The following DYNC2I1 variants were observed in gnomAD, a reference collection of about 807,000 sequenced individuals.
DYNC2I1 encodes dynein 2 intermediate chain 1.
In DYNC2I1, 89 loss-of-function variants were observed where a neutral mutation model predicts 133.4. The observed-to-expected ratio is 0.67, with a 90% CI of 0.56 to 0.80. The LOEUF is 0.80. Among genes scored for constraint, DYNC2I1 ranks in the 30% least tolerant of loss-of-function variants. The probability of loss-of-function intolerance (pLI) is 0.00; values close to 1 mark genes in which losing one functional copy is unlikely to be tolerated. For missense variants in DYNC2I1, 1,291 were observed against 1,314.5 expected (o/e 0.98, Z 0.28); for synonymous variants, 504 against 484.3 (o/e 1.04, Z -0.54).
chr7:158,904,479 A>G (rs1308872897), intron 10 of DYNC2I1: 2 of 152,240 alleles, frequency 1.3e-5, no homozygotes, highest in Non-Finnish European at 2.9e-5. Context: ...GCCTTTGTAC[A>G]CTTCCAAAAG....
chr7:158,948,995 GA>G (rs1255758988), downstream of DYNC2I1, among the ~76,000 whole-genome samples: 1 of 152,154 alleles, frequency 6.6e-6, no homozygotes, highest in East Asian at 1.9e-4. Context: ...GACTCCTAAT[GA>G]ACAGATGGCT....
At chr7:158,889,558 G>T (rs1844981574) in intron 7 of DYNC2I1, among the ~76,000 whole-genome samples, 1 of 151,914 alleles carries the variant, frequency 6.6e-6, no homozygotes, top group South Asian at 2.1e-4. Flanking sequence ...TAAGCTCCAG[G>T]TTGGCATTGT....
At chr7:158,916,233 A>T (rs1400901369) in intron 14 of DYNC2I1, among the ~76,000 whole-genome samples, 153 of 81,034 alleles carry the variant, frequency 1.9e-3, no homozygotes, top group Non-Finnish European at 3.2e-3. Context: ...GGTTGACATT[A>T]AGGATGATTG....
At chr7:158,879,034 A>G (rs977769490) in intron 4 of DYNC2I1, among the ~76,000 whole-genome samples, 2 of 143,078 alleles carry the variant, frequency 1.4e-5, no homozygotes, top group Non-Finnish European at 3.1e-5. Flanking sequence ...CCATGTGGAG[A>G]GGCCAGGAGG....
intron 1 of DYNC2I1, among the ~76,000 whole-genome samples, chr7:158,860,793 C>A (rs1841805182): frequency 6.6e-6 from 1 of 151,946 alleles, no homozygotes; most frequent in Non-Finnish European, 1.5e-5. Flanking sequence ...AAATTTCTAC[C>A]CTTTTTATTT....
At chr7:158,841,176 TA>T in the DYNC2I1 span, among the ~76,000 whole-genome samples, 2 of 7,526 alleles carry the variant, frequency 2.7e-4, no homozygotes, top group Admixed American at 2.2e-3. Flanking sequence ...TATATATATA[TA>T]TATATATATA....
At chr7:158,857,540 GTT>G (rs1278230154) in intron 1 of DYNC2I1, among the ~76,000 whole-genome samples, 2 of 100,898 alleles carry the variant, frequency 2.0e-5, no homozygotes, top group Non-Finnish European at 2.0e-5. Flanking sequence ...TTAGGTTTTT[GTT>G]TTTTTTTTTT....
rs200300108 is a variant in DYNC2I1 at position 158,926,401 on chromosome 7, G to A, written c.2372-1G>A. ...TTTCTTTTTGTTTCTGTCTTCATCA[G>A]AAATGTCAGGTTTGTCCTTCCACAT... On this transcript the variant is annotated splice_acceptor_variant, in intron 18 of 24. Coordinates refer to ENST00000407559, the MANE Select transcript of DYNC2I1 (RefSeq NM_018051.5). LOFTEE classifies it high-confidence loss of function. 1.9e-6 allele frequency: 3 copies of A among 1,612,494 alleles called. No individual in the cohort carries two copies. The highest frequency in any genetic ancestry group is 2.5e-6 in the Non-Finnish European group (3 of 1,179,164).
At chr7:158,932,180 G>A (rs969847301) in intron 21 of DYNC2I1, among the ~76,000 whole-genome samples, 6 of 152,196 alleles carry the variant, frequency 3.9e-5, no homozygotes, top group African/African-American at 1.2e-4. Context: ...TGTCTGCACC[G>A]CCCCTGCAGC....
intron 2 of DYNC2I1, 139 bp from the exon 3 acceptor site, chr7:158,871,003 A>C: frequency 1.0e-6 from 1 of 993,974 alleles, no homozygotes; most frequent in Non-Finnish European, 1.5e-6. Flanking sequence ...CTGGGATTGG[A>C]AACTGGGATT....
At chr7:158,904,828 G>A in intron 10 of DYNC2I1, 1 of 216,416 alleles carries the variant, frequency 4.6e-6, no homozygotes. Context: ...ACCCAGACAG[G>A]CATCCTCCAG....
At chr7:158,929,755 T>A (rs573616405) in intron 20 of DYNC2I1, among the ~76,000 whole-genome samples, 1 of 152,248 alleles carries the variant, frequency 6.6e-6, no homozygotes. Flanking sequence ...TCCATAGATT[T>A]CTAGTTTTTC....
chr7:158,889,302 G>A (rs1481246171), intron 7 of DYNC2I1, among the ~76,000 whole-genome samples: 1 of 151,464 alleles, frequency 6.6e-6, no homozygotes, highest in African/African-American at 2.4e-5. Flanking sequence ...GGGTGGTCTC[G>A]ATCTCCTGAC....
intron 5 of DYNC2I1, among the ~76,000 whole-genome samples, chr7:158,882,566 C>T (rs755060268): frequency 3.9e-5 from 6 of 151,970 alleles, no homozygotes; most frequent in Non-Finnish European, 8.8e-5. Flanking sequence ...CTGCGTGGTA[C>T]AGTAAGACCT....
rs1475485291 is a variant in DYNC2I1, at chr7:158,953,387, A to G, written c.*57-3196A>G. Among the ~76,000 whole-genome samples, 8 of 152,388 alleles carry G rather than the reference A, an allele frequency of 5.2e-5. No homozygotes were observed. The South Asian group carries it at 8.3e-4, about 16-fold the overall frequency. ...TTGGCTTATTTTACTTATGCAGGTT[A>G]GAATAAAGTAATTCTCTTAAATATG... On this transcript the variant is annotated intron_variant and NMD_transcript_variant, in intron 4 of 4. Transcript: ENST00000454771.
chr7:158,915,690 CGCTGGTTG>C (rs1848112519), intron 14 of DYNC2I1, among the ~76,000 whole-genome samples: 8 of 99,954 alleles, frequency 8.0e-5, no homozygotes, highest in Non-Finnish European at 8.6e-5. Context: ...AACGTCGACA[CGCTGGTTG>C]ACATTAAGGA....
At chr7:158,871,809 T>A (rs981314737) in intron 3 of DYNC2I1, among the ~76,000 whole-genome samples, 1 of 152,216 alleles carries the variant, frequency 6.6e-6, no homozygotes, top group South Asian at 2.1e-4. Flanking sequence ...GGACTGGCAT[T>A]ACAGACATGC....
intron 3 of DYNC2I1, 31 bp from the exon 4 acceptor site, chr7:158,876,578 G>T: frequency 1.3e-6 from 2 of 1,534,710 alleles, no homozygotes; most frequent in South Asian, 1.3e-5. Flanking sequence ...TAACATTTGG[G>T]AGTATTAAAA....
At chr7:158,869,605 T>A in intron 1 of DYNC2I1, 1 of 525,272 alleles carries the variant, frequency 1.9e-6, no homozygotes, top group Admixed American at 2.8e-5. Flanking sequence ...GTTTTCACTT[T>A]TATTTTATAA....
Sources: allele counts gnomAD v4.1 joint callset (sites outside exome capture counted in the v4.1 genomes callset), GRCh38; gene constraint gnomAD v4.1.1; transcripts MANE v1.5; gene names NCBI Gene and HGNC (gene_info 2026-07-23, HGNC 2026-07-21).